Variants in SPAM1 observed in about 807,000 individuals in gnomAD.
SPAM1 encodes sperm adhesion molecule 1.
A neutral mutation model predicts 29.6 loss-of-function variants in SPAM1; 22 were observed. The observed-to-expected ratio is 0.74, with a 90% CI of 0.53 to 1.06. The LOEUF is 1.06. Ranked by LOEUF, SPAM1 falls within the 50% of genes least tolerant of loss-of-function variation. The probability of loss-of-function intolerance (pLI) is 0.00; values close to 1 mark genes in which losing one functional copy is unlikely to be tolerated. For missense variants in SPAM1, 534 were observed against 604.0 expected, an observed-to-expected ratio of 0.88 and a Z score of 1.21; for synonymous variants, 194 against 204.6, an observed-to-expected ratio of 0.95 and a Z score of 0.44.
At chr7:123,928,994 C>T (rs2117015140) in intron 1 of SPAM1, among the ~76,000 whole-genome samples, 1 of 152,074 alleles carries the variant, frequency 6.6e-6, no homozygotes, top group East Asian at 1.9e-4. Flanking sequence ...AGCCTTTTTT[C>T]AAAGAATTGG....
Position 123,954,525 on chromosome 7 carries a change from G to A in SPAM1, c.954+1G>A, listed in dbSNP as rs993551021. On this transcript the variant is annotated splice_donor_variant, in intron 3 of 4. Coordinates refer to ENST00000682466, the MANE Select transcript of SPAM1 (RefSeq NM_153189.3). LOFTEE classifies it high-confidence loss of function. ...TCAAGTTTTGAAATTCCTTTCTCAA[G>A]TAAGTAAATCAGGGTATGAGGGCTA... 2.5e-6 allele frequency: 4 copies of A among 1,577,274 alleles called. No homozygotes were observed. Among genetic ancestry groups the A allele is most frequent in the Non-Finnish European group, 3.5e-6 (4 of 1,152,238 alleles).
At chr7:123,942,517 T>C (rs769055224) in intron 1 of SPAM1, among the ~76,000 whole-genome samples, 6 of 152,246 alleles carry the variant, frequency 3.9e-5, no homozygotes, top group Non-Finnish European at 8.8e-5. Flanking sequence ...GGCCATAGTA[T>C]ATGCATAAAA....
downstream of SPAM1, among the ~76,000 whole-genome samples, chr7:123,961,892 C>T (rs896302758): frequency 2.0e-5 from 3 of 151,874 alleles, no homozygotes; most frequent in African/African-American, 7.2e-5. Flanking sequence ...AAGGGGAAAC[C>T]CCTTATGAAA....
intron 1 of SPAM1, among the ~76,000 whole-genome samples, chr7:123,930,782 G>T (rs1808050459): frequency 6.6e-6 from 1 of 152,134 alleles, no homozygotes; most frequent in Admixed American, 6.5e-5. Context: ...AACTGGACGG[G>T]AGAACTGCTC....
intron 1 of SPAM1, among the ~76,000 whole-genome samples, chr7:123,937,213 G>A (rs1476916243): frequency 5.3e-5 from 8 of 152,002 alleles, no homozygotes; most frequent in Non-Finnish European, 1.2e-4. Flanking sequence ...CTCATAGTTC[G>A]GAATAAATTC....
chr7:123,969,115 C>T (rs561497410), intron 5 of SPAM1, among the ~76,000 whole-genome samples: 3 of 151,960 alleles, frequency 2.0e-5, no homozygotes, highest in African/African-American at 7.2e-5. Context: ...GGTTGGAGTG[C>T]CCATTTTTAA....
chr7:123,967,703 T>G (rs1370752616), intron 5 of SPAM1, among the ~76,000 whole-genome samples: 1 of 151,564 alleles, frequency 6.6e-6, no homozygotes, highest in African/African-American at 2.4e-5. Flanking sequence ...GGGGATGTGG[T>G]GGGAGATGGG....
intron 1 of SPAM1, among the ~76,000 whole-genome samples, chr7:123,930,467 A>C (rs953134498): frequency 6.6e-6 from 1 of 152,314 alleles, no homozygotes; most frequent in East Asian, 1.9e-4. Flanking sequence ...AGCCACTCCC[A>C]AAAATATCCT....
Position 123,943,648 on chromosome 7 carries a change from T to A in SPAM1, c.-318-6224T>A, listed in dbSNP as rs531251482. ...TAAACCAAATATCTCTTATAAACTT[T>A]AGGGAACTAATATCAATAAATTTAT... On this transcript the variant is annotated intron_variant, in intron 1 of 4. Coordinates refer to ENST00000682466, the MANE Select transcript of SPAM1 (RefSeq NM_153189.3). 6.6e-5 allele frequency among the ~76,000 whole-genome samples: 10 copies of A among 152,282 alleles called. No homozygotes were observed. The South Asian group carries it at 1.2e-3, about 19-fold the overall frequency.
chr7:123,968,598 ATT>A (rs1002070568), intron 5 of SPAM1, among the ~76,000 whole-genome samples: 1 of 150,018 alleles, frequency 6.7e-6, no homozygotes, highest in Non-Finnish European at 1.5e-5. Flanking sequence ...TATCTTGACA[ATT>A]TTTTTTTTCA....
At chr7:123,951,884 A>T (rs1249310589) in intron 2 of SPAM1, among the ~76,000 whole-genome samples, 1 of 152,124 alleles carries the variant, frequency 6.6e-6, no homozygotes, top group African/African-American at 2.4e-5. Flanking sequence ...GGCCTTCCAA[A>T]GTGCTCGGAT....
intron 4 of SPAM1, among the ~76,000 whole-genome samples, chr7:123,956,899 A>G (rs1792259203): frequency 6.6e-6 from 1 of 151,964 alleles, no homozygotes; most frequent in African/African-American, 2.4e-5. Context: ...CACTATGGAT[A>G]TATATACAAA....
intron 1 of SPAM1, among the ~76,000 whole-genome samples, chr7:123,936,769 G>A (rs1808254396): frequency 6.6e-6 from 1 of 152,186 alleles, no homozygotes; most frequent in African/African-American, 2.4e-5. Context: ...GGGGCTGACT[G>A]AATTCTGCTG....
chr7:123,954,311 T>C lies in SPAM1; in HGVS notation c.741T>C (p.Asp247=), dbSNP rs952962850. 1.2e-6 allele frequency: 2 copies of C among 1,612,380 alleles called. No individual in the cohort carries two copies. The highest frequency in any genetic ancestry group is 1.7e-5 in the Admixed American group (1 of 59,680). ...SCFNVEIKRN[D]DLSWLWNEST... Reference sequence around the variant, plus strand: ...TCAATGTAGAAATAAAAAGAAATGATGATCTCAGCTGGTTGTGGAATGAAA... The same window carrying C: ...TCAATGTAGAAATAAAAAGAAATGACGATCTCAGCTGGTTGTGGAATGAAA... Residue 247 remains aspartate (D), a synonymous_variant, in exon 3 of 5, where the codon GAT becomes GAC. Coordinates refer to ENST00000682466, the MANE Select transcript of SPAM1 (RefSeq NM_153189.3).
At chr7:123,960,386 G>C (rs1384784923), downstream of SPAM1, among the ~76,000 whole-genome samples, 1 of 151,948 alleles carries the variant, frequency 6.6e-6, no homozygotes, top group East Asian at 1.9e-4. Context: ...AACATGTAGA[G>C]TGCTTGGATA....
rs118173195 is a variant in SPAM1, at chr7:123,956,489, G to A, written c.1044+1403G>A. 2.5e-3 allele frequency among the ~76,000 whole-genome samples: 378 copies of A among 152,056 alleles called. 1 individual carries two copies. The highest frequency in any genetic ancestry group is 0.01 in the Middle Eastern group (3 of 294). ...ACTGACATAAAACAAATGCAAATGA[G>A]CCATTTCTTTTCGTTCCATTTTATT... On this transcript the variant is annotated intron_variant, in intron 4 of 4. Transcript: ENST00000682466.
chr7:123,953,989 T>A lies in SPAM1; in HGVS notation c.419T>A (p.Leu140Ter). 1 of 1,613,700 alleles carries A rather than the reference T, an allele frequency of 6.2e-7. No individual in the cohort carries two copies. Among genetic ancestry groups the A allele is most frequent in the Non-Finnish European group, 8.5e-7 (1 of 1,179,806 alleles). The part of the protein sequence containing the change: ...DITFYMPVDN[L>*]GMAVIDWEEW... ...ACATTTTATATGCCAGTAGACAATT[T>A]GGGAATGGCTGTTATTGACTGGGAA... Residue 140 changes from leucine (L) to a stop codon, truncating the protein, a stop_gained, in exon 3 of 5, where the codon TTG becomes TAG. Transcript: ENST00000682466. LOFTEE classifies it high-confidence loss of function.
chr7:123,951,247 A>G (rs1308495598), intron 2 of SPAM1, among the ~76,000 whole-genome samples: 1 of 152,076 alleles, frequency 6.6e-6, no homozygotes, highest in Non-Finnish European at 1.5e-5. Flanking sequence ...TGCTGTGCAG[A>G]TGCTTTTTAG....
At chr7:123,935,637 C>T (rs1415629403) in intron 1 of SPAM1, among the ~76,000 whole-genome samples, 1 of 152,188 alleles carries the variant, frequency 6.6e-6, no homozygotes, top group African/African-American at 2.4e-5. Context: ...AAGTAACTTA[C>T]TAAGGCTAGT....
Sources: gnomAD v4.1 joint callset for allele counts (sites outside exome capture counted in the v4.1 genomes callset) on GRCh38, gnomAD v4.1.1 for gene constraint, MANE v1.5 for transcripts, NCBI Gene and HGNC (gene_info 2026-07-23, HGNC 2026-07-21) for gene names.